The following AKR1D1 variants were observed in gnomAD, a reference collection of about 807,000 sequenced individuals.
The protein encoded by AKR1D1 is delta(4)-3-ketosteroid 5-beta-reductase.
In AKR1D1, 32 loss-of-function variants were observed where a neutral mutation model predicts 42.6. The ratio of observed to expected loss-of-function variants is 0.75; its 90% CI spans 0.57 to 1.01. The LOEUF (loss-of-function observed/expected upper bound fraction) is 1.01. Ranked by LOEUF, AKR1D1 falls within the 50% of genes least tolerant of loss-of-function variation. The pLI is 0.00. For missense variants in AKR1D1, 364 were observed against 402.2 expected, an observed-to-expected ratio of 0.91 and a Z score of 0.81; for synonymous variants, 123 against 135.5, an observed-to-expected ratio of 0.91 and a Z score of 0.64.
At chr7:138,105,798 T>C (rs149275191) in intron 5 of AKR1D1, among the ~76,000 whole-genome samples, 265 of 152,108 alleles carry the variant, frequency 1.7e-3, no homozygotes, top group African/African-American at 6.2e-3. Flanking sequence ...GGCAGGGGAA[T>C]TGCTTAAACC....
intron 1 of AKR1D1, 85 bp downstream of exon 1, chr7:138,076,696 G>A: frequency 8.7e-7 from 1 of 1,145,310 alleles, no homozygotes; most frequent in Non-Finnish European, 1.3e-6. Flanking sequence ...ATTTTAAGCA[G>A]ATCTCATTGA....
chr7:138,076,668 T>C (rs545579608), intron 1 of AKR1D1, 57 bp downstream of exon 1: 1 of 1,391,296 alleles, frequency 7.2e-7, no homozygotes, highest in African/African-American at 1.4e-5. Flanking sequence ...CATTTGCCTA[T>C]AGCATAATCT....
intron 4 of AKR1D1, among the ~76,000 whole-genome samples, chr7:138,100,522 T>G (rs535250163): frequency 2.0e-5 from 3 of 152,156 alleles, no homozygotes; most frequent in South Asian, 2.1e-4. Context: ...TATTTTAATA[T>G]CAACAAATAC....
intron 4 of AKR1D1, among the ~76,000 whole-genome samples, chr7:138,104,319 ATATATG>A (rs1277341802): frequency 6.6e-6 from 1 of 152,174 alleles, no homozygotes; most frequent in Non-Finnish European, 1.5e-5. Flanking sequence ...ATTTACATAC[ATATATG>A]TATGAGAGAG....
rs533136841 is a variant in AKR1D1 at position 138,101,028 on chromosome 7, G to T, written c.456+3085G>T. ...CTATAGTCAGAGATTCTATTAAAATGATATCATACTAAAATGATAAGTATA... is the reference window on the plus strand; with the variant it reads ...CTATAGTCAGAGATTCTATTAAAATTATATCATACTAAAATGATAAGTATA... On this transcript the variant is annotated intron_variant, in intron 4 of 8. Transcript: ENST00000242375. 3.3e-5 allele frequency among the ~76,000 whole-genome samples: 5 copies of T among 151,486 alleles called. No individual in the cohort carries two copies. In the East Asian group the frequency reaches 9.9e-4, roughly 30 times the overall value.
intron 3 of AKR1D1, among the ~76,000 whole-genome samples, chr7:138,092,240 G>A (rs930313749): frequency 6.6e-6 from 1 of 152,112 alleles, no homozygotes; most frequent in African/African-American, 2.4e-5. Flanking sequence ...TACAACTATA[G>A]TTTAAGCTCT....
intron 4 of AKR1D1, among the ~76,000 whole-genome samples, chr7:138,103,848 A>G (rs1794364908): frequency 6.6e-6 from 1 of 152,220 alleles, no homozygotes. Flanking sequence ...TTGACAGAAT[A>G]CAGGAGGACA....
intron 2 of AKR1D1, among the ~76,000 whole-genome samples, chr7:138,089,863 T>C (rs1390131657): frequency 6.6e-6 from 1 of 152,122 alleles, no homozygotes; most frequent in African/African-American, 2.4e-5. Context: ...GTGGGGGTGA[T>C]TAAGAGCCTA....
At chr7:138,089,014 G>C (rs1283672213) in intron 2 of AKR1D1, among the ~76,000 whole-genome samples, 4 of 152,108 alleles carry the variant, frequency 2.6e-5, no homozygotes, top group African/African-American at 9.7e-5. Context: ...TAGTTTGGGA[G>C]AAGTAAGCAG....
intron 6 of AKR1D1, among the ~76,000 whole-genome samples, 161 bp downstream of exon 6, chr7:138,106,878 T>C (rs559844325): frequency 6.6e-6 from 1 of 152,368 alleles, no homozygotes; most frequent in South Asian, 2.1e-4. Flanking sequence ...GACTGAGCTG[T>C]TGTAAAATTG....
In AKR1D1 at chr7:138,088,725, C is replaced by T. The variant is rs777588168; in HGVS notation, c.218C>T (p.Ala73Val). 1.9e-6 allele frequency: 3 copies of T among 1,612,194 alleles called. No individual in the cohort carries two copies. Among genetic ancestry groups the T allele is most frequent in the Non-Finnish European group, 2.5e-6 (3 of 1,179,202 alleles). Residue 73 changes from alanine to valine, a missense_variant, in exon 2 of 9, where the codon GCA (alanine) becomes GTA (valine). Ala to Val is a moderately conservative substitution (Grantham distance 64). Transcript: ENST00000242375. Reference protein sequence around the residue: ...EVGEAIREKIAEGKVRREDIF... With the variant: ...EVGEAIREKIVEGKVRREDIF... ...GGGGAGGCCATCAGGGAGAAGATAG[C>T]AGAAGGAAAGGTGCGGAGGGAAGAT...
chr7:138,116,788 C>A lies in AKR1D1; in HGVS notation c.*126C>A. The A allele has an allele frequency of 3.5e-6, 3 of 860,254 alleles. No individual in the cohort carries two copies. Among genetic ancestry groups the A allele is most frequent in the Admixed American group, 2.1e-5 (1 of 46,622 alleles). 53.3% of individuals were successfully genotyped at this position (860,254 alleles called of 1,614,324 possible). A position where few individuals can be genotyped will look rare whatever the true frequency, so the allele number is the denominator to read the frequency against. ...TCCTGAGAAGAAATAATGATGGAAACATGTTTAATGTTTGTGCAGTGTAAA... is the reference window on the plus strand; with the variant it reads ...TCCTGAGAAGAAATAATGATGGAAAAATGTTTAATGTTTGTGCAGTGTAAA... On this transcript the variant is annotated 3_prime_UTR_variant, in exon 9 of 9. Coordinates refer to ENST00000242375, the MANE Select transcript of AKR1D1 (RefSeq NM_005989.4).
chr7:138,076,850 T>G (rs1166435846), intron 1 of AKR1D1, among the ~76,000 whole-genome samples: 1 of 152,184 alleles, frequency 6.6e-6, no homozygotes, highest in South Asian at 2.1e-4. Context: ...AATTTTCTGC[T>G]TCCTTTACTG....
intron 6 of AKR1D1, chr7:138,107,119 C>T: frequency 1.7e-6 from 1 of 576,384 alleles, no homozygotes. Flanking sequence ...TCTATTTCTT[C>T]CACTTCAGTC....
chr7:138,111,935 A>G (rs1050412248), intron 7 of AKR1D1, among the ~76,000 whole-genome samples: 1 of 152,192 alleles, frequency 6.6e-6, no homozygotes, highest in Non-Finnish European at 1.5e-5. Flanking sequence ...AATAATTATC[A>G]CAAAAATTTT....
intron 4 of AKR1D1, among the ~76,000 whole-genome samples, chr7:138,101,362 G>A (rs1462580115): frequency 1.3e-5 from 2 of 152,068 alleles, no homozygotes; most frequent in African/African-American, 4.8e-5. Flanking sequence ...ACCATGCCCA[G>A]CTAATTTTTG....
Position 138,105,296 on chromosome 7 carries a change from T to C in AKR1D1, c.457-11T>C, listed in dbSNP as rs1562937076. 6.2e-7 allele frequency: 1 copy of C among 1,614,128 alleles called. No homozygotes were observed. Among genetic ancestry groups the C allele is most frequent in the Admixed American group, 1.7e-5 (1 of 60,020 alleles). On this transcript the variant is annotated splice_polypyrimidine_tract_variant and intron_variant, in intron 4 of 8. Transcript: ENST00000242375. The stretch of plus-strand genomic sequence containing the variant: ...GGCTTGTTTGTTGACCTGTGGACAT[T>C]TACTCTACAGGCGATGGAAGCTTGC...
chr7:138,115,561 A>G (rs1359335255), intron 8 of AKR1D1, among the ~76,000 whole-genome samples: 7 of 151,710 alleles, frequency 4.6e-5, no homozygotes, highest in South Asian at 2.1e-4. Flanking sequence ...AACTTCGGGG[A>G]AAAAAAAATA....
At chr7:138,114,660 CAAAAAAAA>C (rs34437071) in intron 8 of AKR1D1, among the ~76,000 whole-genome samples, 14 of 87,372 alleles carry the variant, frequency 1.6e-4, no homozygotes, top group Non-Finnish European at 2.9e-4. Flanking sequence ...AACTCCATCT[CAAAAAAAA>C]AAAAAAAAAA....
Sources: gnomAD v4.1 joint callset for allele counts (sites outside exome capture counted in the v4.1 genomes callset) on GRCh38, gnomAD v4.1.1 for gene constraint, MANE v1.5 for transcripts, NCBI Gene and HGNC (gene_info 2026-07-23, HGNC 2026-07-21) for gene names.